NIPAL2: variants seen among roughly 807,000 people sequenced by gnomAD.
NIPAL2 encodes the protein NIPA-like protein 2.
Under a neutral mutation model 48.9 loss-of-function variants are expected in NIPAL2, and 43 were observed. That is an observed-to-expected ratio of 0.88 (90% CI 0.69 to 1.13). The LOEUF (loss-of-function observed/expected upper bound fraction) is 1.13, where lower values mean the gene tolerates loss of function less well. Among genes scored for constraint, NIPAL2 ranks in the 50% most tolerant of loss-of-function variants. NIPAL2 has a pLI of 0.00. For synonymous variants in NIPAL2, 167 were observed against 174.6 expected (o/e 0.96, Z 0.34); for missense variants, 446 against 461.4 (o/e 0.97, Z 0.31).
chr8:98,211,775 G>A (rs1417282932), intron 6 of NIPAL2, among the ~76,000 whole-genome samples: 2 of 95,170 alleles, frequency 2.1e-5, no homozygotes, highest in African/African-American at 4.7e-5. Context: ...TGTAGGGGTG[G>A]GGGAAAGAGA....
At chr8:98,260,917 C>T (rs891754223) in intron 1 of NIPAL2, among the ~76,000 whole-genome samples, 7 of 151,546 alleles carry the variant, frequency 4.6e-5, no homozygotes, top group African/African-American at 9.7e-5. Flanking sequence ...TCTCCCAGCA[C>T]GCAGCTGGAG....
intron 5 of NIPAL2, among the ~76,000 whole-genome samples, chr8:98,222,115 G>A (rs536458501): frequency 6.6e-6 from 1 of 152,146 alleles, no homozygotes; most frequent in South Asian, 2.1e-4. Flanking sequence ...TAAAAAACAA[G>A]GACTTTTTTG....
intron 9 of NIPAL2, among the ~76,000 whole-genome samples, chr8:98,195,160 C>A (rs1202065491): frequency 6.6e-6 from 1 of 152,212 alleles, no homozygotes; most frequent in Non-Finnish European, 1.5e-5. Context: ...ATAATTTATT[C>A]TTTAATTTTC....
intron 10 of NIPAL2, among the ~76,000 whole-genome samples, chr8:98,194,457 A>T (rs1416780379): frequency 3.9e-5 from 6 of 152,044 alleles, no homozygotes; most frequent in Non-Finnish European, 8.8e-5. Flanking sequence ...ACCCTTTTCC[A>T]ATTTAAGGAA....
intron 4 of NIPAL2, among the ~76,000 whole-genome samples, chr8:98,233,930 C>T (rs748114906): frequency 2.8e-4 from 42 of 152,194 alleles, no homozygotes; most frequent in Non-Finnish European, 5.0e-4. Flanking sequence ...GCCCAGCTGT[C>T]AGAACCAATT....
chr8:98,203,846 C>CTGTGTGTGTGTG (rs143170810), intron 7 of NIPAL2, among the ~76,000 whole-genome samples: 1,520 of 146,798 alleles, frequency 0.01, 28 homozygotes, highest in African/African-American at 0.034. Flanking sequence ...TGGGTAGAGC[C>CTGTGTGTGTGTG]TGTGTGTGTG....
chr8:98,222,401 T>C, intron 5 of NIPAL2, 78 bp downstream of exon 5: 1 of 1,420,692 alleles, frequency 7.0e-7, no homozygotes, highest in Non-Finnish European at 9.5e-7. Flanking sequence ...AGGAAAAGAT[T>C]ATGTTCTCTA....
rs1215128961 is a variant in NIPAL2, at chr8:98,236,215, C to T, written c.377-1G>A. 6.3e-7 allele frequency: 1 copy of T among 1,598,608 alleles called. No homozygotes were observed. The highest frequency in any genetic ancestry group is 8.5e-7 in the Non-Finnish European group (1 of 1,170,910). On this transcript the variant is annotated splice_acceptor_variant, in intron 3 of 10. Transcript: ENST00000430223. LOFTEE classifies it high-confidence loss of function. The stretch of plus-strand genomic sequence containing the variant: ...AATGTAACAGAAATAATGGCACTAC[C>T]TATAAAGAAAATGGCCATTAGTGGT...
At chr8:98,220,968 T>A (rs1264582126) in intron 5 of NIPAL2, among the ~76,000 whole-genome samples, 5 of 50,286 alleles carry the variant, frequency 9.9e-5, no homozygotes, top group African/African-American at 4.9e-4. Context: ...TTCATTCTTT[T>A]TTTTTTTTTT....
chr8:98,264,098 C>G (rs1216597519), intron 1 of NIPAL2, among the ~76,000 whole-genome samples: 1 of 152,072 alleles, frequency 6.6e-6, no homozygotes, highest in Non-Finnish European at 1.5e-5. Flanking sequence ...GCTAAAAACT[C>G]TCAATAAATT....
At chr8:98,200,469 CT>C (rs1262621514) in intron 8 of NIPAL2, among the ~76,000 whole-genome samples, 1 of 152,072 alleles carries the variant, frequency 6.6e-6, no homozygotes, top group Non-Finnish European at 1.5e-5. Context: ...AATTTCCTTC[CT>C]TTTAAAAGCT....
chr8:98,267,480 C>A (rs1393526516), intron 1 of NIPAL2, among the ~76,000 whole-genome samples: 1 of 151,756 alleles, frequency 6.6e-6, no homozygotes, highest in African/African-American at 2.4e-5. Context: ...GCTACCACAC[C>A]CACCTAATTT....
chr8:98,218,203 C>G (rs1444837580), intron 5 of NIPAL2, among the ~76,000 whole-genome samples: 1 of 152,178 alleles, frequency 6.6e-6, no homozygotes, highest in Non-Finnish European at 1.5e-5. Flanking sequence ...TCGTTTCAGG[C>G]TATGTGACCC....
At chr8:98,201,246 C>CCACT (rs1303522310) in intron 8 of NIPAL2, among the ~76,000 whole-genome samples, 1 of 152,116 alleles carries the variant, frequency 6.6e-6, no homozygotes. Context: ...CACCACCATT[C>CCACT]CACTCACCAA....
intron 5 of NIPAL2, among the ~76,000 whole-genome samples, chr8:98,219,370 C>T (rs550882916): frequency 7.2e-5 from 11 of 151,824 alleles, no homozygotes; most frequent in Non-Finnish European, 1.5e-4. Context: ...AGAAGCAAGG[C>T]AGAGGAAGAG....
At chr8:98,196,223 C>T (rs1810538528) in intron 8 of NIPAL2, among the ~76,000 whole-genome samples, 1 of 152,140 alleles carries the variant, frequency 6.6e-6, no homozygotes, top group African/African-American at 2.4e-5. Context: ...ATATAATTAT[C>T]ATTATTATAA....
chr8:98,229,680 T>A (rs146900895), intron 4 of NIPAL2, among the ~76,000 whole-genome samples: 1 of 152,340 alleles, frequency 6.6e-6, no homozygotes, highest in African/African-American at 2.4e-5. Flanking sequence ...GCCCAGCCAG[T>A]AATAATTTTT....
intron 1 of NIPAL2, among the ~76,000 whole-genome samples, chr8:98,269,011 G>A (rs1331496922): frequency 1.3e-5 from 2 of 152,064 alleles, no homozygotes; most frequent in Admixed American, 6.6e-5. Flanking sequence ...TTTGCTCATC[G>A]ATAAAAAGCA....
chr8:98,243,559 C>T (rs1200632788), intron 3 of NIPAL2, among the ~76,000 whole-genome samples: 1 of 152,150 alleles, frequency 6.6e-6, no homozygotes, highest in Non-Finnish European at 1.5e-5. Context: ...CGGTCCAAGA[C>T]CAGCTCTTAT....
Sources: allele counts gnomAD v4.1 joint callset (sites outside exome capture counted in the v4.1 genomes callset), GRCh38; gene constraint gnomAD v4.1.1; transcripts MANE v1.5; gene names NCBI Gene and HGNC (gene_info 2026-07-23, HGNC 2026-07-21).